Variants in RPS6KA5 observed in about 807,000 individuals in gnomAD.
The protein encoded by RPS6KA5 is ribosomal protein S6 kinase alpha-5.
Under a neutral mutation model 85.5 loss-of-function variants are expected in RPS6KA5, and 27 were observed. That is an observed-to-expected ratio of 0.32 (90% CI 0.23 to 0.44). The LOEUF (loss-of-function observed/expected upper bound fraction) is 0.44. Ranked by LOEUF, RPS6KA5 falls within the 20% of genes least tolerant of loss-of-function variation. The pLI, the probability that RPS6KA5 is intolerant of heterozygous loss-of-function variation, is 1.00. For missense variants in RPS6KA5, 811 were observed against 980.9 expected, an observed-to-expected ratio of 0.83 and a Z score of 2.31; for synonymous variants, 334 against 348.2, an observed-to-expected ratio of 0.96 and a Z score of 0.46.
intron 2 of RPS6KA5, among the ~76,000 whole-genome samples, chr14:90,990,255 T>C (rs1008805326): frequency 1.3e-5 from 2 of 152,048 alleles, no homozygotes; most frequent in African/African-American, 2.4e-5. Context: ...AACATACACA[T>C]TGCCAACAAG....
chr14:90,907,480 C>T (rs940720663), intron 7 of RPS6KA5, among the ~76,000 whole-genome samples: 6 of 152,150 alleles, frequency 3.9e-5, no homozygotes, highest in African/African-American at 1.4e-4. Context: ...TAGCGCATAG[C>T]AAATGCTCAA....
chr14:90,918,440 CAT>C (rs2036235111), intron 7 of RPS6KA5, among the ~76,000 whole-genome samples: 1 of 152,212 alleles, frequency 6.6e-6, no homozygotes, highest in Non-Finnish European at 1.5e-5. Flanking sequence ...CTTCAGCAGA[CAT>C]ATGATTTAAA....
At chr14:90,977,667 T>C (rs868721061) in intron 3 of RPS6KA5, among the ~76,000 whole-genome samples, 2 of 152,182 alleles carry the variant, frequency 1.3e-5, no homozygotes, top group African/African-American at 4.8e-5. Flanking sequence ...AAAGCAGAAA[T>C]TGGCCCACTT....
Position 90,978,478 on chromosome 14 carries a change from A to G in RPS6KA5, c.222T>C (p.Thr74=), listed in dbSNP as rs762462177. Residue 74 remains threonine, a synonymous_variant, in exon 3 of 17, where the codon ACT becomes ACC. Coordinates refer to ENST00000614987, the MANE Select transcript of RPS6KA5 (RefSeq NM_004755.4). ...FLVRKISGHD[T]GKLYAMKVLK... ...AAACTTTCATGGCATACAGCTTTCCAGTATCATGGCCACTTATTTTACGAA... is the reference window on the plus strand; with the variant it reads ...AAACTTTCATGGCATACAGCTTTCCGGTATCATGGCCACTTATTTTACGAA... 1.2e-6 allele frequency: 2 copies of G among 1,611,926 alleles called. No individual in the cohort carries two copies. The highest frequency in any genetic ancestry group is 1.7e-6 in the Non-Finnish European group (2 of 1,179,180).
chr14:90,894,342 T>C, intron 13 of RPS6KA5, 71 bp downstream of exon 13: 2 of 1,411,794 alleles, frequency 1.4e-6, no homozygotes, highest in East Asian at 5.1e-5. Flanking sequence ...CCCAGAAACT[T>C]CCCCCATGTT....
At chr14:90,975,160 G>C (rs1405038103) in intron 3 of RPS6KA5, among the ~76,000 whole-genome samples, 1 of 151,842 alleles carries the variant, frequency 6.6e-6, no homozygotes, top group African/African-American at 2.4e-5. Flanking sequence ...TGCCTTTGCA[G>C]TAATAAAACT....
chr14:90,910,650 C>T (rs1450050043), intron 7 of RPS6KA5, among the ~76,000 whole-genome samples: 1 of 150,786 alleles, frequency 6.6e-6, no homozygotes, highest in Non-Finnish European at 1.5e-5. Flanking sequence ...TAACAATAGG[C>T]GATGCTCACT....
intron 1 of RPS6KA5, among the ~76,000 whole-genome samples, chr14:91,057,027 G>T (rs973589301): frequency 6.6e-6 from 1 of 150,838 alleles, no homozygotes; most frequent in African/African-American, 2.4e-5. Context: ...CTACAGGTAC[G>T]TGCCACCATG....
intron 7 of RPS6KA5, among the ~76,000 whole-genome samples, chr14:90,918,422 T>C (rs1286597113): frequency 6.6e-6 from 1 of 152,242 alleles, no homozygotes; most frequent in Non-Finnish European, 1.5e-5. Context: ...ACATTCTGGA[T>C]ACCAGTCCTT....
intron 3 of RPS6KA5, among the ~76,000 whole-genome samples, chr14:90,948,955 A>C (rs1244112508): frequency 6.6e-6 from 1 of 152,242 alleles, no homozygotes; most frequent in Non-Finnish European, 1.5e-5. Context: ...TTAAATTCCA[A>C]AAAGCAGATA....
intron 1 of RPS6KA5, among the ~76,000 whole-genome samples, chr14:91,012,299 G>A (rs1337589362): frequency 6.6e-6 from 1 of 152,060 alleles, no homozygotes; most frequent in Non-Finnish European, 1.5e-5. Flanking sequence ...TAATTTTCAA[G>A]TTCTGGTATG....
chr14:90,972,338 C>A (rs2039361901), intron 3 of RPS6KA5, among the ~76,000 whole-genome samples: 1 of 152,068 alleles, frequency 6.6e-6, no homozygotes, highest in Admixed American at 6.5e-5. Flanking sequence ...AGATCAGGGG[C>A]AGAGGGCAAC....
rs138016223 is a variant in RPS6KA5, at chr14:90,877,360, A to G, written c.1837-2000T>C. Reference sequence around the variant, plus strand: ...TCCCTAAATCCTTGATGTAGCTTGAAGGCAGGCTACGACTAGGTCTGAGTG... The same window carrying G: ...TCCCTAAATCCTTGATGTAGCTTGAGGGCAGGCTACGACTAGGTCTGAGTG... On this transcript the variant is annotated intron_variant, in intron 14 of 16. Coordinates refer to ENST00000614987, the MANE Select transcript of RPS6KA5 (RefSeq NM_004755.4). 1.3e-3 allele frequency among the ~76,000 whole-genome samples: 191 copies of G among 152,320 alleles called. 1 individual carries two copies. The highest frequency in any genetic ancestry group is 4.4e-3 in the African/African-American group (184 of 41,566).
At chr14:91,030,541 T>G (rs1262846476) in intron 1 of RPS6KA5, among the ~76,000 whole-genome samples, 2 of 137,736 alleles carry the variant, frequency 1.5e-5, no homozygotes, top group Non-Finnish European at 1.5e-5. Flanking sequence ...GGTGTCTTAT[T>G]CACATTAACA....
At chr14:90,976,797 A>C (rs989929924) in intron 3 of RPS6KA5, among the ~76,000 whole-genome samples, 1 of 152,206 alleles carries the variant, frequency 6.6e-6, no homozygotes, top group Non-Finnish European at 1.5e-5. Flanking sequence ...TAGAATTGTT[A>C]ATTGATGGTA....
At chr14:91,005,229 G>A (rs1220978001) in intron 1 of RPS6KA5, among the ~76,000 whole-genome samples, 1 of 152,144 alleles carries the variant, frequency 6.6e-6, no homozygotes, top group Admixed American at 6.5e-5. Context: ...GTTTCTGACA[G>A]TCTACTATTT....
chr14:90,973,408 C>A (rs193294409), intron 3 of RPS6KA5, among the ~76,000 whole-genome samples: 3 of 151,550 alleles, frequency 2.0e-5, no homozygotes, highest in Non-Finnish European at 4.4e-5. Flanking sequence ...AACATCACTG[C>A]GCTCCAGCCT....
intron 1 of RPS6KA5, among the ~76,000 whole-genome samples, chr14:91,034,922 AAAG>A (rs1466647267): frequency 2.6e-5 from 4 of 151,996 alleles, no homozygotes; most frequent in Non-Finnish European, 1.5e-5. Context: ...GTACCACAAA[AAAG>A]AAAAAAAAAA....
intron 1 of RPS6KA5, among the ~76,000 whole-genome samples, chr14:91,028,030 A>G (rs1021792783): frequency 6.6e-5 from 10 of 152,348 alleles, no homozygotes; most frequent in South Asian, 2.1e-4. Flanking sequence ...AAAATCAAAC[A>G]TATCAAGTTC....
Sources: allele counts gnomAD v4.1 joint callset (sites outside exome capture counted in the v4.1 genomes callset), GRCh38; gene constraint gnomAD v4.1.1; transcripts MANE v1.5; gene names NCBI Gene and HGNC (gene_info 2026-07-23, HGNC 2026-07-21).